CCDC102B: variants seen among roughly 807,000 people sequenced by gnomAD.
CCDC102B encodes coiled-coil domain containing 102B.
A neutral mutation model predicts 57.4 loss-of-function variants in CCDC102B; 75 were observed. The ratio of observed to expected loss-of-function variants is 1.31; its 90% CI spans 1.08 to 1.58. The LOEUF is 1.58. CCDC102B is among the 40% of genes most tolerant of loss of function. CCDC102B has a pLI of 0.00. For missense variants in CCDC102B, 636 were observed against 582.6 expected (o/e 1.09, Z -0.94); for synonymous variants, 206 against 201.9 (o/e 1.02, Z -0.17).
chr18:68,903,871 A>G (rs1327373446), intron 6 of CCDC102B, among the ~76,000 whole-genome samples: 1 of 152,308 alleles, frequency 6.6e-6, no homozygotes, highest in South Asian at 2.1e-4. Flanking sequence ...CTAAAAGTGG[A>G]AAGTGCATTA....
In CCDC102B at chr18:69,040,068, G is replaced by C. The variant is rs145726290; in HGVS notation, c.1435-13962G>C. On this transcript the variant is annotated intron_variant, in intron 7 of 7. Transcript: ENST00000360242. The stretch of plus-strand genomic sequence containing the variant: ...AGATCTTTTATGAGGCAGGGGAAAG[G>C]CTTATAAGGTACCCTTATTTAACAG... Among the ~76,000 whole-genome samples, 638 of 151,868 alleles carry C rather than the reference G, an allele frequency of 4.2e-3. 5 individuals are homozygous for C. The highest frequency in any genetic ancestry group is 0.024 in the South Asian group (116 of 4,816).
At chr18:68,783,166 C>A (rs912897935) in intron 2 of CCDC102B, among the ~76,000 whole-genome samples, 2 of 152,112 alleles carry the variant, frequency 1.3e-5, no homozygotes, top group East Asian at 1.9e-4. Context: ...TGTTTTCAGT[C>A]AGGTTTCCCA....
intron 1 of CCDC102B, among the ~76,000 whole-genome samples, chr18:68,832,879 G>A (rs1005581699): frequency 1.3e-5 from 2 of 152,060 alleles, no homozygotes. Flanking sequence ...AGCCGACACA[G>A]GGGATGTGGA....
At chr18:68,872,940 C>G (rs2039294107) in intron 4 of CCDC102B, among the ~76,000 whole-genome samples, 2 of 152,072 alleles carry the variant, frequency 1.3e-5, no homozygotes, top group African/African-American at 4.8e-5. Context: ...TTGAGTGGTA[C>G]AGTTCATTGA....
intron 2 of CCDC102B, among the ~76,000 whole-genome samples, chr18:68,736,038 C>T (rs1033129047): frequency 2.0e-5 from 3 of 152,164 alleles, no homozygotes; most frequent in Non-Finnish European, 2.9e-5. Flanking sequence ...CTTTTGCTAA[C>T]AATTATCATA....
intron 6 of CCDC102B, among the ~76,000 whole-genome samples, chr18:68,998,997 TATAGAGAGAGAGAGAGAGAG>T (rs1379588781): frequency 1.3e-4 from 4 of 30,576 alleles, no homozygotes; most frequent in African/African-American, 1.9e-4. Context: ...TATATATATA[TATAGAGAGAGAGAGAGAGAG>T]AGAGAGAGAG....
chr18:69,006,702 C>G (rs2051359292), intron 6 of CCDC102B, among the ~76,000 whole-genome samples: 2 of 151,790 alleles, frequency 1.3e-5, no homozygotes, highest in South Asian at 4.1e-4. Context: ...CTCAGCCTCC[C>G]AAAGCTCTGG....
chr18:69,002,518 TG>T (rs2051230808), intron 6 of CCDC102B, among the ~76,000 whole-genome samples: 1 of 152,164 alleles, frequency 6.6e-6, no homozygotes, highest in African/African-American at 2.4e-5. Context: ...ACCCAGTCCT[TG>T]GCAAGGTTAC....
intron 1 of CCDC102B, among the ~76,000 whole-genome samples, chr18:68,805,179 G>A (rs550356305): frequency 1.6e-4 from 25 of 152,228 alleles, no homozygotes; most frequent in African/African-American, 4.8e-4. Flanking sequence ...AAAAACCCCC[G>A]CAATCTCAAC....
chr18:68,973,076 T>C (rs2145265500), intron 6 of CCDC102B, among the ~76,000 whole-genome samples: 1 of 152,232 alleles, frequency 6.6e-6, no homozygotes, highest in African/African-American at 2.4e-5. Context: ...TATCATTGAG[T>C]CTGTTTATTA....
chr18:68,806,871 A>G (rs573624202), intron 1 of CCDC102B, among the ~76,000 whole-genome samples: 2 of 152,268 alleles, frequency 1.3e-5, no homozygotes, highest in South Asian at 2.1e-4. Context: ...ATTAGTACTC[A>G]CCGAACATCA....
At chr18:68,981,913 C>T (rs1420717931) in intron 6 of CCDC102B, among the ~76,000 whole-genome samples, 2 of 151,888 alleles carry the variant, frequency 1.3e-5, no homozygotes, top group Non-Finnish European at 2.9e-5. Flanking sequence ...CTACAAAGGA[C>T]ATGAACTCAT....
chr18:68,715,357 G>A, exon 1 of CCDC102B: 2 of 718,778 alleles, frequency 2.8e-6, no homozygotes, highest in South Asian at 5.7e-5. Flanking sequence ...TATGCTGAGG[G>A]TGAGGTAGGC....
chr18:68,856,488 G>T (rs1256390045), intron 4 of CCDC102B, among the ~76,000 whole-genome samples: 1 of 152,038 alleles, frequency 6.6e-6, no homozygotes, highest in Non-Finnish European at 1.5e-5. Flanking sequence ...TGGAAAAGGG[G>T]TTTTCTCACT....
intron 7 of CCDC102B, among the ~76,000 whole-genome samples, chr18:69,048,357 A>G (rs1322892121): frequency 2.6e-5 from 4 of 152,112 alleles, no homozygotes; most frequent in African/African-American, 4.8e-5. Context: ...CCTATATAAC[A>G]GAATGAAAAT....
intron 2 of CCDC102B, among the ~76,000 whole-genome samples, chr18:68,730,052 AT>A (rs1000911493): frequency 3.9e-5 from 6 of 152,156 alleles, no homozygotes; most frequent in African/African-American, 1.4e-4. Context: ...ATTGACTTTC[AT>A]TTTGTGTGTG....
intron 6 of CCDC102B, among the ~76,000 whole-genome samples, chr18:68,960,207 A>C (rs2050010752): frequency 1.3e-5 from 2 of 152,120 alleles, no homozygotes; most frequent in Non-Finnish European, 2.9e-5. Context: ...GTCAGCATGC[A>C]ATGAAACCTG....
intron 4 of CCDC102B, among the ~76,000 whole-genome samples, chr18:68,849,089 C>T (rs1180571958): frequency 6.6e-6 from 1 of 151,874 alleles, no homozygotes; most frequent in Admixed American, 6.6e-5. Context: ...GAGACACAGG[C>T]ATTGTTGGGC....
intron 6 of CCDC102B, among the ~76,000 whole-genome samples, chr18:68,977,865 A>C (rs991364983): frequency 5.3e-5 from 8 of 151,946 alleles, no homozygotes; most frequent in African/African-American, 1.9e-4. Context: ...GTAGTCTATT[A>C]ATCTTTGTTT....
Sources: allele counts gnomAD v4.1 joint callset (sites outside exome capture counted in the v4.1 genomes callset), GRCh38; gene constraint gnomAD v4.1.1; transcripts MANE v1.5; gene names NCBI Gene and HGNC (gene_info 2026-07-23, HGNC 2026-07-21).